The following GABRG2 variants were observed in gnomAD, a reference collection of about 807,000 sequenced individuals.
GABRG2 encodes gamma-aminobutyric acid receptor subunit gamma-2.
Under a neutral mutation model 56.4 loss-of-function variants are expected in GABRG2, and 16 were observed. That is an observed-to-expected ratio of 0.28 (90% CI 0.19 to 0.43). The LOEUF is 0.43. Ranked by LOEUF, GABRG2 falls within the 20% of genes least tolerant of loss-of-function variation. The pLI is 1.00. For synonymous variants in GABRG2, 208 were observed against 205.5 expected (o/e 1.01, Z -0.10); for missense variants, 327 against 582.7 (o/e 0.56, Z 4.52).
chr5:162,095,421 C>A, intron 2 of GABRG2, 74 bp from the exon 3 acceptor site: 2 of 912,040 alleles, frequency 2.2e-6, no homozygotes, highest in Non-Finnish European at 3.6e-6. Flanking sequence ...TAAATCTATT[C>A]TAGAAAACAA....
At chr5:162,074,090 G>T (rs1439360848) in intron 1 of GABRG2, among the ~76,000 whole-genome samples, 2 of 151,588 alleles carry the variant, frequency 1.3e-5, no homozygotes, top group Non-Finnish European at 1.5e-5. Context: ...CCATTCATTT[G>T]TCCCCCATAC....
At chr5:162,096,912 A>C (rs528187165) in intron 3 of GABRG2, among the ~76,000 whole-genome samples, 2 of 152,248 alleles carry the variant, frequency 1.3e-5, no homozygotes, top group African/African-American at 4.8e-5. Flanking sequence ...GTTTAGAGAA[A>C]AGAACAAGTA....
At chr5:162,141,193 C>A (rs1168892423) in intron 6 of GABRG2, among the ~76,000 whole-genome samples, 1 of 152,050 alleles carries the variant, frequency 6.6e-6, no homozygotes, top group Non-Finnish European at 1.5e-5. Context: ...CCCGCCACAC[C>A]ACCAGGCTAA....
chr5:162,068,774 T>TCA (rs1758436991), intron 1 of GABRG2, among the ~76,000 whole-genome samples: 1 of 151,808 alleles, frequency 6.6e-6, no homozygotes, highest in African/African-American at 2.4e-5. Flanking sequence ...ATCCACAGAG[T>TCA]CAGAGAGAAG....
intron 1 of GABRG2, among the ~76,000 whole-genome samples, chr5:162,079,210 G>T (rs1438404382): frequency 1.3e-5 from 2 of 152,014 alleles, no homozygotes; most frequent in African/African-American, 2.4e-5. Context: ...ACTTCCCTTT[G>T]CACGTGCAGC....
intron 6 of GABRG2, among the ~76,000 whole-genome samples, chr5:162,133,308 C>A (rs1015114262): frequency 3.3e-5 from 5 of 152,122 alleles, no homozygotes; most frequent in Admixed American, 2.6e-4. Flanking sequence ...GTGTTTCTCA[C>A]AATAGCCTTA....
At chr5:162,070,685 T>C (rs1373479364) in intron 1 of GABRG2, among the ~76,000 whole-genome samples, 1 of 152,012 alleles carries the variant, frequency 6.6e-6, no homozygotes, top group Non-Finnish European at 1.5e-5. Flanking sequence ...AACTAATATC[T>C]CTTCTTATAA....
intron 6 of GABRG2, among the ~76,000 whole-genome samples, chr5:162,122,427 A>G (rs1763035779): frequency 6.6e-6 from 1 of 151,854 alleles, no homozygotes; most frequent in African/African-American, 2.4e-5. Context: ...AACTGAATAC[A>G]TTTAAAAAAT....
intron 1 of GABRG2, among the ~76,000 whole-genome samples, chr5:162,076,120 C>A (rs980812611): frequency 6.6e-6 from 1 of 152,058 alleles, no homozygotes; most frequent in Non-Finnish European, 1.5e-5. Context: ...CCACTGTACT[C>A]AAGCCTGGGT....
chr5:162,083,027 AG>A (rs1759785822), intron 1 of GABRG2, among the ~76,000 whole-genome samples: 1 of 151,740 alleles, frequency 6.6e-6, no homozygotes, highest in African/African-American at 2.4e-5. Context: ...CAAACAGAAA[AG>A]TATAAAAAAA....
intron 1 of GABRG2, among the ~76,000 whole-genome samples, chr5:162,080,236 G>A (rs941767012): frequency 2.0e-5 from 3 of 152,098 alleles, no homozygotes; most frequent in African/African-American, 4.8e-5. Flanking sequence ...GCTTCAAATT[G>A]TGATAGTGTT....
At chr5:162,069,117 C>T (rs1758466858) in intron 1 of GABRG2, among the ~76,000 whole-genome samples, 1 of 152,104 alleles carries the variant, frequency 6.6e-6, no homozygotes, top group African/African-American at 2.4e-5. Context: ...TTTAAATTTA[C>T]TTGAACTTTC....
chr5:162,088,338 G>C (rs1485493500), intron 1 of GABRG2, among the ~76,000 whole-genome samples: 1 of 152,266 alleles, frequency 6.6e-6, no homozygotes, highest in East Asian at 1.9e-4. Flanking sequence ...CCCACCTTTT[G>C]CAGTGGCTGA....
At chr5:162,147,231 TTTC>T (rs1272542629) in intron 7 of GABRG2, among the ~76,000 whole-genome samples, 2 of 151,630 alleles carry the variant, frequency 1.3e-5, no homozygotes, top group African/African-American at 2.4e-5. Context: ...TTTCTCTTTC[TTTC>T]TTCTTTCTTT....
chr5:162,124,029 G>A (rs1339888348), intron 6 of GABRG2, among the ~76,000 whole-genome samples: 2 of 151,868 alleles, frequency 1.3e-5, no homozygotes, highest in Non-Finnish European at 2.9e-5. Context: ...TAGGGTTAAA[G>A]CAATGCTCAG....
At chr5:162,114,815 G>A (rs1368045093) in intron 6 of GABRG2, among the ~76,000 whole-genome samples, 2 of 152,122 alleles carry the variant, frequency 1.3e-5, no homozygotes, top group Admixed American at 6.6e-5. Context: ...GATGGATTTT[G>A]AATAAAAATA....
intron 7 of GABRG2, among the ~76,000 whole-genome samples, chr5:162,143,914 T>A (rs1240251770): frequency 6.6e-6 from 1 of 152,198 alleles, no homozygotes; most frequent in East Asian, 1.9e-4. Flanking sequence ...GGAAAAGACA[T>A]CATTTGCATA....
At chr5:162,124,760 C>G (rs949887179) in intron 6 of GABRG2, among the ~76,000 whole-genome samples, 6 of 151,772 alleles carry the variant, frequency 4.0e-5, no homozygotes, top group African/African-American at 1.5e-4. Flanking sequence ...GCATGACACA[C>G]AGTGCTAGAG....
At chr5:162,081,689 C>T (rs1759677862) in intron 1 of GABRG2, among the ~76,000 whole-genome samples, 1 of 150,320 alleles carries the variant, frequency 6.7e-6, no homozygotes, top group African/African-American at 2.4e-5. Flanking sequence ...ACCCATTAGG[C>T]AAATGCAAAT....
Sources: allele counts gnomAD v4.1 joint callset (sites outside exome capture counted in the v4.1 genomes callset), GRCh38; gene constraint gnomAD v4.1.1; transcripts MANE v1.5; gene names NCBI Gene and HGNC (gene_info 2026-07-23, HGNC 2026-07-21).